Variants in FRY observed in about 807,000 individuals in gnomAD.
FRY encodes protein furry homolog.
FRY carries 128 observed loss-of-function variants against 348.4 expected under a neutral mutation model. That is an observed-to-expected ratio of 0.37 (90% CI 0.32 to 0.43). The LOEUF (loss-of-function observed/expected upper bound fraction) is 0.43. Ranked by LOEUF, FRY falls within the 20% of genes least tolerant of loss-of-function variation. The probability of loss-of-function intolerance (pLI) is 1.00; values close to 1 mark genes in which losing one functional copy is unlikely to be tolerated. For synonymous variants in FRY, 1,370 were observed against 1,374.7 expected, an observed-to-expected ratio of 1.00 and a Z score of 0.08; for missense variants, 2,736 against 3,695.2, an observed-to-expected ratio of 0.74 and a Z score of 6.73.
At chr13:32,098,190 T>C (rs1465399198) in intron 2 of FRY, among the ~76,000 whole-genome samples, 1 of 152,100 alleles carries the variant, frequency 6.6e-6, no homozygotes, top group Non-Finnish European at 1.5e-5. Flanking sequence ...TCATCTAAAA[T>C]ACAGAGAATA....
rs1344174938 is a variant in FRY at position 32,068,103 on chromosome 13, G to C, written c.71-10731G>C. Among the ~76,000 whole-genome samples the C allele has an allele frequency of 5.9e-5, 9 of 152,206 alleles. No individual in the cohort carries two copies. In the South Asian group the frequency reaches 1.5e-3, roughly 25 times the overall value. Reference sequence around the variant, plus strand: ...AGGTGACTGTGATGTGCTAAAGACTGAGCACCAGTAATTCAAATTGTAAGT... The same window carrying C: ...AGGTGACTGTGATGTGCTAAAGACTCAGCACCAGTAATTCAAATTGTAAGT... On this transcript the variant is annotated intron_variant, in intron 1 of 60. Coordinates refer to ENST00000542859, the MANE Select transcript of FRY (RefSeq NM_023037.3).
intron 3 of FRY, among the ~76,000 whole-genome samples, chr13:32,112,721 C>T (rs1457837185): frequency 2.6e-5 from 4 of 152,160 alleles, no homozygotes; most frequent in Non-Finnish European, 2.9e-5. Context: ...ACTTATGTAC[C>T]GTTTACTTTA....
At chr13:32,275,820 A>T (rs1338302189) in intron 56 of FRY, among the ~76,000 whole-genome samples, 2 of 152,014 alleles carry the variant, frequency 1.3e-5, no homozygotes, top group Non-Finnish European at 2.9e-5. Flanking sequence ...GGCTTTACAC[A>T]TGGAACTCTA....
intron 17 of FRY, among the ~76,000 whole-genome samples, chr13:32,165,599 C>A (rs1357359232): frequency 6.6e-6 from 1 of 152,282 alleles, no homozygotes; most frequent in East Asian, 1.9e-4. Flanking sequence ...CCTCCACGGC[C>A]CTTGTTGACA....
intron 2 of FRY, among the ~76,000 whole-genome samples, chr13:32,088,164 G>A (rs1285027252): frequency 1.3e-5 from 2 of 152,166 alleles, no homozygotes; most frequent in Non-Finnish European, 2.9e-5. Context: ...AGTCTTGTTG[G>A]TCAAACTCCT....
chr13:32,144,469 A>G (rs1456538983), intron 11 of FRY, among the ~76,000 whole-genome samples: 1 of 151,714 alleles, frequency 6.6e-6, no homozygotes, highest in African/African-American at 2.4e-5. Context: ...TAGTAGAACA[A>G]AAGGAAATGT....
At chr13:32,062,868 A>G (rs990166746) in intron 1 of FRY, among the ~76,000 whole-genome samples, 2 of 152,020 alleles carry the variant, frequency 1.3e-5, no homozygotes, top group East Asian at 3.8e-4. Flanking sequence ...GTATTTTATA[A>G]TGGCATATAT....
chr13:32,177,985 C>T (rs1418566498), intron 20 of FRY, among the ~76,000 whole-genome samples, 192 bp from the exon 21 acceptor site: 2 of 152,220 alleles, frequency 1.3e-5, no homozygotes, highest in African/African-American at 2.4e-5. Flanking sequence ...TGCTTATCAT[C>T]TAGCATAGGA....
At chr13:32,153,370 G>A (rs2138152868) in intron 14 of FRY, among the ~76,000 whole-genome samples, 1 of 152,252 alleles carries the variant, frequency 6.6e-6, no homozygotes, top group Non-Finnish European at 1.5e-5. Context: ...CAATAAAAAT[G>A]CACAAACTGC....
intron 25 of FRY, 36 bp from the exon 26 acceptor site, chr13:32,184,940 C>G (rs376870499): frequency 2.6e-6 from 4 of 1,567,034 alleles, no homozygotes; most frequent in African/African-American, 1.4e-5. Flanking sequence ...GACATAAAGA[C>G]TGATCATCTA....
intron 2 of FRY, among the ~76,000 whole-genome samples, chr13:32,082,992 C>G (rs1875598386): frequency 6.6e-6 from 1 of 152,016 alleles, no homozygotes; most frequent in East Asian, 1.9e-4. Context: ...TTCATCAATT[C>G]TGGAAAACTC....
intron 2 of FRY, among the ~76,000 whole-genome samples, chr13:32,083,767 G>T (rs1009301424): frequency 6.6e-6 from 1 of 152,018 alleles, no homozygotes; most frequent in Admixed American, 6.6e-5. Flanking sequence ...GAGACCACTG[G>T]GAACATCGTT....
chr13:32,223,905 G>A (rs9533916), intron 36 of FRY, among the ~76,000 whole-genome samples: 11,650 of 151,946 alleles, frequency 0.077, 565 homozygotes, highest in Non-Finnish European at 0.1. Context: ...TTTTGTGTGT[G>A]TGTGTATTTT....
chr13:32,062,744 T>G (rs1874018631), intron 1 of FRY, among the ~76,000 whole-genome samples: 1 of 152,176 alleles, frequency 6.6e-6, no homozygotes, highest in Admixed American at 6.5e-5. Context: ...AGATTTCACT[T>G]ATTCACTTAA....
Position 32,295,702 on chromosome 13 carries a change from A to T in FRY, c.*242A>T. 1.0e-5 allele frequency: 6 copies of T among 579,154 alleles called. No individual in the cohort carries two copies. In the South Asian group the frequency reaches 1.2e-4, roughly 12 times the overall value. 35.9% of individuals were successfully genotyped at this position (579,154 alleles called of 1,614,324 possible). The stretch of plus-strand genomic sequence containing the variant: ...TCATGCTGTGTGGCACAAATGTGTT[A>T]CATTTGACCGAGCATATGCAACTCG... On this transcript the variant is annotated 3_prime_UTR_variant, in exon 61 of 61. Transcript: ENST00000542859.
intron 48 of FRY, among the ~76,000 whole-genome samples, chr13:32,248,988 G>T (rs116263240): frequency 0.019 from 2,836 of 152,294 alleles, 92 homozygotes; most frequent in African/African-American, 0.058. Context: ...TTGAGTTTGC[G>T]AATTGCTGCC....
At position 32,295,648 on chromosome 13, in the gene FRY, C is replaced by A; in HGVS notation, c.*188C>A. 1.6e-6 allele frequency: 1 copy of A among 622,650 alleles called. No homozygotes were observed. Among genetic ancestry groups the A allele is most frequent in the Non-Finnish European group, 2.9e-6 (1 of 349,010 alleles). The allele number at this position is 622,650 out of a possible 1,614,324, so 38.6% of individuals were successfully genotyped here. A position where few individuals can be genotyped will look rare whatever the true frequency, so the allele number is the denominator to read the frequency against. On this transcript the variant is annotated 3_prime_UTR_variant, in exon 61 of 61. Transcript: ENST00000542859. ...AGCAATACTATAAGAACCAAGGTAG[C>A]TTAGAACGTCCTGGACAGACTCCAC...
intron 49 of FRY, among the ~76,000 whole-genome samples, 167 bp from the exon 50 acceptor site, chr13:32,251,711 C>T (rs2138510310): frequency 6.6e-6 from 1 of 152,148 alleles, no homozygotes; most frequent in East Asian, 1.9e-4. Flanking sequence ...CAATATTTAA[C>T]AATTTTTAAT....
chr13:32,162,732 A>G (rs1260428293), intron 17 of FRY, among the ~76,000 whole-genome samples: 2 of 151,922 alleles, frequency 1.3e-5, no homozygotes, highest in African/African-American at 2.4e-5. Flanking sequence ...TGCCAATGTC[A>G]CCCAGCCCTG....
Sources: allele counts gnomAD v4.1 joint callset (sites outside exome capture counted in the v4.1 genomes callset), GRCh38; gene constraint gnomAD v4.1.1; transcripts MANE v1.5; gene names NCBI Gene and HGNC (gene_info 2026-07-23, HGNC 2026-07-21).